PIK3R6: variants seen among roughly 807,000 people sequenced by gnomAD.
PIK3R6 encodes phosphoinositide-3-kinase regulatory subunit 6, also known as phosphoinositide 3-kinase regulatory subunit 6.
Under a neutral mutation model 84.9 loss-of-function variants are expected in PIK3R6, and 91 were observed. That is an observed-to-expected ratio of 1.07 (90% CI 0.90 to 1.28). The LOEUF is 1.28. Ranked by LOEUF, PIK3R6 falls within the 50% of genes most tolerant of loss-of-function variation. The pLI is 0.00. For missense variants in PIK3R6, 996 were observed against 985.1 expected, an observed-to-expected ratio of 1.01 and a Z score of -0.15; for synonymous variants, 416 against 411.4, an observed-to-expected ratio of 1.01 and a Z score of -0.13.
At chr17:8,863,053 G>A (rs1047800404) in intron 1 of PIK3R6, among the ~76,000 whole-genome samples, 1 of 152,182 alleles carries the variant, frequency 6.6e-6, no homozygotes, top group African/African-American at 2.4e-5. Context: ...TCTAGTGGGT[G>A]TGTAGGGGAC....
intron 2 of PIK3R6, among the ~76,000 whole-genome samples, chr17:8,846,229 A>G (rs188456019): frequency 2.6e-5 from 4 of 152,266 alleles, no homozygotes; most frequent in Admixed American, 6.5e-5. Context: ...TCCTTTCCCC[A>G]TTGCTTATGT....
chr17:8,840,805 T>G (rs111404210), intron 2 of PIK3R6, among the ~76,000 whole-genome samples: 26 of 151,568 alleles, frequency 1.7e-4, no homozygotes, highest in African/African-American at 5.6e-4. Context: ...CAGGCTGGAG[T>G]GCAGTGGCGC....
intron 2 of PIK3R6, 80 bp downstream of exon 2, chr17:8,849,702 A>G (rs2088895886): frequency 1.3e-6 from 2 of 1,493,094 alleles, no homozygotes; most frequent in South Asian, 1.3e-5. Flanking sequence ...TGCCAGCCCT[A>G]GAGGCATCCT....
At chr17:8,828,535 G>A (rs555591458) in intron 11 of PIK3R6, 32 bp downstream of exon 11, 19 of 1,601,882 alleles carry the variant, frequency 1.2e-5, no homozygotes, top group East Asian at 2.2e-5. Flanking sequence ...CCTGACCAGC[G>A]CCCACCCCCA....
chr17:8,840,930 T>A (rs1001818436), intron 2 of PIK3R6, among the ~76,000 whole-genome samples: 1 of 151,514 alleles, frequency 6.6e-6, no homozygotes, highest in Admixed American at 6.6e-5. Flanking sequence ...TTTTTTGTAT[T>A]TTTAGCAGAG....
chr17:8,821,394 C>A (rs1420292684), intron 17 of PIK3R6, among the ~76,000 whole-genome samples: 2 of 152,066 alleles, frequency 1.3e-5, no homozygotes, highest in Non-Finnish European at 2.9e-5. Flanking sequence ...TTGCAATATT[C>A]ATAATCCGTA....
At chr17:8,852,567 G>T (rs1188564817) in intron 1 of PIK3R6, among the ~76,000 whole-genome samples, 1 of 151,880 alleles carries the variant, frequency 6.6e-6, no homozygotes, top group South Asian at 2.1e-4. Flanking sequence ...GTGAAACCCC[G>T]TCTCTACTAA....
intron 1 of PIK3R6, among the ~76,000 whole-genome samples, chr17:8,857,848 T>G (rs2089178545): frequency 1.4e-5 from 2 of 147,548 alleles, no homozygotes; most frequent in South Asian, 2.1e-4. Context: ...TGCAGTGAGC[T>G]GCAATCGTGC....
chr17:8,835,390 G>A lies in PIK3R6; in HGVS notation c.528C>T (p.Ile176=), dbSNP rs372846614. ...GTGTCTGCTGCGCCTGGGCCGCCTC[G>A]ATCTCCAGTAGCAGAGCACTGCACA... ...ASVCSALLLE[I]EAAQAQQTPE... Residue 176 remains isoleucine (I), a synonymous_variant, in exon 8 of 20, where the codon ATC becomes ATT. Coordinates refer to ENST00000619866, the MANE Select transcript of PIK3R6 (RefSeq NM_001010855.4). The A allele has an allele frequency of 2.0e-5, 32 of 1,612,160 alleles. No individual in the cohort carries two copies. In the African/African-American group the frequency reaches 2.5e-4, roughly 13 times the overall value.
At position 8,803,019 on chromosome 17, in the gene PIK3R6, T is replaced by C. The variant is rs1200125314; in HGVS notation, c.*254A>G. The C allele has an allele frequency of 6.2e-6, 3 of 487,336 alleles. No individual in the cohort carries two copies. Among genetic ancestry groups the C allele is most frequent in the Non-Finnish European group, 1.1e-5 (3 of 273,222 alleles). The allele number at this position is 487,336 out of a possible 1,614,324, so 30.2% of individuals were successfully genotyped here. A position where few individuals can be genotyped will look rare whatever the true frequency, so the allele number is the denominator to read the frequency against. On this transcript the variant is annotated 3_prime_UTR_variant, in exon 20 of 20. Coordinates refer to ENST00000619866, the MANE Select transcript of PIK3R6 (RefSeq NM_001010855.4). This position sits in a 1 kb window ranked among gnomAD's most constrained non-coding sequence, Gnocchi z 5.0. Reference sequence around the variant, plus strand: ...GAAGCTAAATGAAGGAGTAGACATTTGTATGAGAAGCTGGGCTTGGTGTGT... The same window carrying C: ...GAAGCTAAATGAAGGAGTAGACATTCGTATGAGAAGCTGGGCTTGGTGTGT...
intron 1 of PIK3R6, among the ~76,000 whole-genome samples, chr17:8,853,855 CG>C (rs1567611291): frequency 6.6e-6 from 1 of 151,226 alleles, no homozygotes; most frequent in Non-Finnish European, 1.5e-5. Flanking sequence ...CCCAGCTACT[CG>C]GGAGGCTGAG....
At chr17:8,824,257 G>A (rs535325389) in intron 13 of PIK3R6, among the ~76,000 whole-genome samples, 7 of 152,202 alleles carry the variant, frequency 4.6e-5, no homozygotes, top group African/African-American at 7.2e-5. Context: ...CAACAAGAGC[G>A]AAACTCCATC....
At chr17:8,840,095 A>T (rs1338463809) in intron 2 of PIK3R6, among the ~76,000 whole-genome samples, 2 of 151,228 alleles carry the variant, frequency 1.3e-5, no homozygotes, top group African/African-American at 4.9e-5. Flanking sequence ...ATATCCTCCA[A>T]ATATGTATAT....
At chr17:8,841,183 A>G (rs2088666984) in intron 2 of PIK3R6, among the ~76,000 whole-genome samples, 1 of 152,122 alleles carries the variant, frequency 6.6e-6, no homozygotes, top group Non-Finnish European at 1.5e-5. Flanking sequence ...CCAAGTATAA[A>G]GCTAAAATCT....
chr17:8,804,156 G>A lies in PIK3R6; in HGVS notation c.1996-3C>T, dbSNP rs367561223. 2.5e-6 allele frequency: 4 copies of A among 1,610,092 alleles called. No individual in the cohort carries two copies. Among genetic ancestry groups the A allele is most frequent in the Non-Finnish European group, 2.6e-6 (3 of 1,176,382 alleles). ...GTCCTGAAGGTGTTGGTCACTGTCT[G>A]CAGCACAGAGATCGCACGTGTGAGT... On this transcript the variant is annotated splice_region_variant and splice_polypyrimidine_tract_variant and intron_variant, in intron 18 of 19. Transcript: ENST00000619866.
chr17:8,810,849 C>T (rs999151431), intron 18 of PIK3R6, among the ~76,000 whole-genome samples: 10 of 148,646 alleles, frequency 6.7e-5, no homozygotes, highest in Admixed American at 2.1e-4. Context: ...TATGGGCTGG[C>T]GTTGAGTGTC....
At chr17:8,829,338 G>GCA (rs573310802) in intron 10 of PIK3R6, among the ~76,000 whole-genome samples, 1 of 134,376 alleles carries the variant, frequency 7.4e-6, no homozygotes, top group Non-Finnish European at 1.6e-5. Context: ...ACCCATGCAA[G>GCA]CACACACAGA....
rs2088323300 is a variant in PIK3R6, at chr17:8,833,188, G to A, written c.646-143C>T. Reference sequence around the variant, plus strand: ...GGCCCGGCAGGAGCTTCCCCCGAAGGCTTCTGGATCCCACATCCAGGGCCC... The same window carrying A: ...GGCCCGGCAGGAGCTTCCCCCGAAGACTTCTGGATCCCACATCCAGGGCCC... On this transcript the variant is annotated intron_variant, in intron 8 of 19. Transcript: ENST00000619866. The A allele has an allele frequency of 3.3e-6, 4 of 1,228,532 alleles. No individual in the cohort carries two copies. In the East Asian group the frequency reaches 1.0e-4, roughly 32 times the overall value. 76.1% of individuals were successfully genotyped at this position (1,228,532 alleles called of 1,614,324 possible).
At chr17:8,856,536 A>C (rs780642157) in intron 1 of PIK3R6, among the ~76,000 whole-genome samples, 1 of 152,174 alleles carries the variant, frequency 6.6e-6, no homozygotes, top group Non-Finnish European at 1.5e-5. Flanking sequence ...CAGGAGATGG[A>C]GTTTGCAGTG....
Sources: allele counts gnomAD v4.1 joint callset (sites outside exome capture counted in the v4.1 genomes callset), GRCh38; gene constraint gnomAD v4.1.1; non-coding constraint Gnocchi (gnomAD v3.1); transcripts MANE v1.5; gene names NCBI Gene and HGNC (gene_info 2026-07-23, HGNC 2026-07-21).